The following RAB28 variants were observed in gnomAD, a reference collection of about 807,000 sequenced individuals.
RAB28 encodes the protein RAB28, member RAS oncogene family, also known as ras-related protein Rab-28.
RAB28 carries 24 observed loss-of-function variants against 31.7 expected under a neutral mutation model. That is an observed-to-expected ratio of 0.76 (90% CI 0.55 to 1.06). The LOEUF (loss-of-function observed/expected upper bound fraction) is 1.06, where lower values mean the gene tolerates loss of function less well. Ranked by LOEUF, RAB28 falls within the 50% of genes least tolerant of loss-of-function variation. RAB28 has a pLI of 0.00. For synonymous variants in RAB28, 100 were observed against 90.4 expected (o/e 1.11, Z -0.60); for missense variants, 254 against 258.5 (o/e 0.98, Z 0.12).
intron 4 of RAB28, among the ~76,000 whole-genome samples, chr4:13,414,084 C>T (rs1314002299): frequency 1.3e-5 from 2 of 152,034 alleles, no homozygotes; most frequent in Admixed American, 6.6e-5. Context: ...ATTCCAGAGC[C>T]CCTCCAAATG....
At chr4:13,383,183 T>C (rs1436189158) in intron 4 of RAB28, among the ~76,000 whole-genome samples, 1 of 152,192 alleles carries the variant, frequency 6.6e-6, no homozygotes, top group African/African-American at 2.4e-5. Context: ...TATCATAATA[T>C]TGGAGCTAAC....
At chr4:13,375,510 C>G (rs539733420) in intron 6 of RAB28, among the ~76,000 whole-genome samples, 4 of 152,210 alleles carry the variant, frequency 2.6e-5, no homozygotes, top group African/African-American at 9.6e-5. Flanking sequence ...TCTGTGTGAT[C>G]AAGCAAATCA....
chr4:13,468,309 C>T (rs1715964664), intron 3 of RAB28, among the ~76,000 whole-genome samples: 1 of 151,908 alleles, frequency 6.6e-6, no homozygotes, highest in Non-Finnish European at 1.5e-5. Context: ...TCTCACGGTA[C>T]ATTCACCAAG....
chr4:13,368,682 G>T (rs1214013086), intron 6 of RAB28, 32 bp from the exon 7 acceptor site: 1 of 1,566,366 alleles, frequency 6.4e-7, no homozygotes, highest in Non-Finnish European at 8.7e-7. Flanking sequence ...TTATTATCAG[G>T]ATATCAGAAC....
intron 4 of RAB28, among the ~76,000 whole-genome samples, chr4:13,453,638 G>A (rs1194084263): frequency 4.0e-5 from 6 of 151,488 alleles, no homozygotes; most frequent in African/African-American, 1.2e-4. Context: ...TTTTCTTTCA[G>A]AACTTTCAAT....
rs543453583 is a variant in RAB28, at chr4:13,428,490, G to A, written c.391+32209C>T. On this transcript the variant is annotated intron_variant, in intron 4 of 6. Coordinates refer to ENST00000330852, the MANE Select transcript of RAB28 (RefSeq NM_001017979.3). Reference sequence around the variant, plus strand: ...AAATCAGTCAGAAACATCCAGAAAGGATGAAAATCACTGAACTAATCAATA... The same window carrying A: ...AAATCAGTCAGAAACATCCAGAAAGAATGAAAATCACTGAACTAATCAATA... Among the ~76,000 whole-genome samples the A allele has an allele frequency of 6.2e-4, 94 of 152,282 alleles. 1 individual carries two copies. The highest frequency in any genetic ancestry group is 1.1e-3 in the Non-Finnish European group (76 of 68,026).
intron 4 of RAB28, among the ~76,000 whole-genome samples, chr4:13,447,639 CA>C: frequency 6.6e-6 from 1 of 152,176 alleles, no homozygotes; most frequent in African/African-American, 2.4e-5. Context: ...TTAGAGCCCC[CA>C]AAATACCCTT....
At chr4:13,438,930 C>A (rs913407430) in intron 4 of RAB28, among the ~76,000 whole-genome samples, 2 of 152,134 alleles carry the variant, frequency 1.3e-5, no homozygotes, top group Non-Finnish European at 2.9e-5. Flanking sequence ...CACAGCCTCA[C>A]CAGCACTTGT....
At chr4:13,444,669 T>C (rs1714606412) in intron 4 of RAB28, among the ~76,000 whole-genome samples, 1 of 152,372 alleles carries the variant, frequency 6.6e-6, no homozygotes, top group East Asian at 1.9e-4. Flanking sequence ...ATACTTACCT[T>C]TTGTCTTTTT....
intron 4 of RAB28, among the ~76,000 whole-genome samples, chr4:13,415,121 AT>A (rs767439516): frequency 1.1e-4 from 16 of 152,248 alleles, no homozygotes; most frequent in African/African-American, 1.4e-4. Flanking sequence ...TTAATTGCAG[AT>A]ATAATGACAT....
intron 4 of RAB28, 151 bp downstream of exon 4, chr4:13,460,548 C>A: frequency 1.1e-6 from 1 of 895,312 alleles, no homozygotes; most frequent in Middle Eastern, 3.4e-4. Context: ...ACTCTCATGA[C>A]CTAATTACCT....
chr4:13,427,367 T>C (rs1713560990), intron 4 of RAB28, among the ~76,000 whole-genome samples: 1 of 152,176 alleles, frequency 6.6e-6, no homozygotes, highest in African/African-American at 2.4e-5. Flanking sequence ...TTTCACACAA[T>C]GAATGTCAGA....
chr4:13,447,077 T>G (rs538738513), intron 4 of RAB28, among the ~76,000 whole-genome samples: 1 of 152,270 alleles, frequency 6.6e-6, no homozygotes, highest in East Asian at 1.9e-4. Context: ...GAATCTATTA[T>G]TCCTAGCCAA....
chr4:13,382,642 A>C (rs1729180570), intron 4 of RAB28, among the ~76,000 whole-genome samples: 1 of 151,672 alleles, frequency 6.6e-6, no homozygotes, highest in South Asian at 2.1e-4. Flanking sequence ...TTTTTAATCT[A>C]ATGGGGTATT....
chr4:13,456,982 T>C (rs1030051205), intron 4 of RAB28, among the ~76,000 whole-genome samples: 1 of 152,216 alleles, frequency 6.6e-6, no homozygotes, highest in African/African-American at 2.4e-5. Context: ...TACGGAAATG[T>C]GTATTCACCC....
chr4:13,376,639 G>A lies in RAB28; in HGVS notation c.496-17C>T, dbSNP rs370533140. ...CAGGAAGACCTACATAACAAAAATG[G>A]GTTTAAATGATTTAAAAGAGGCATG... On this transcript the variant is annotated splice_polypyrimidine_tract_variant and intron_variant, in intron 5 of 6. Transcript: ENST00000330852. 54 of 1,551,380 alleles carry A rather than the reference G, an allele frequency of 3.5e-5. No individual in the cohort carries two copies. The highest frequency in any genetic ancestry group is 4.3e-5 in the Non-Finnish European group (49 of 1,145,868).
intron 4 of RAB28, among the ~76,000 whole-genome samples, chr4:13,428,739 A>G (rs1389014315): frequency 6.6e-6 from 1 of 152,214 alleles, no homozygotes; most frequent in Non-Finnish European, 1.5e-5. Context: ...ATTTGAGGAA[A>G]TAACAGCCAA....
intron 4 of RAB28, among the ~76,000 whole-genome samples, chr4:13,387,103 G>A (rs1357869654): frequency 1.3e-5 from 2 of 151,992 alleles, no homozygotes; most frequent in African/African-American, 4.8e-5. Flanking sequence ...GAGGATGGAG[G>A]GTGGGAGGGG....
chr4:13,404,849 A>G (rs984434478), intron 4 of RAB28, among the ~76,000 whole-genome samples: 5 of 152,146 alleles, frequency 3.3e-5, no homozygotes, highest in Admixed American at 3.3e-4. Flanking sequence ...TCTTTTAACA[A>G]TACTAACCAG....
Sources: gnomAD v4.1 joint callset for allele counts (sites outside exome capture counted in the v4.1 genomes callset) on GRCh38, gnomAD v4.1.1 for gene constraint, MANE v1.5 for transcripts, NCBI Gene and HGNC (gene_info 2026-07-23, HGNC 2026-07-21) for gene names.